DNASE1: variants seen among roughly 807,000 people sequenced by gnomAD.
The protein encoded by DNASE1 is deoxyribonuclease 1.
Under a neutral mutation model 33.9 loss-of-function variants are expected in DNASE1, and 40 were observed. The ratio of observed to expected loss-of-function variants is 1.18; its 90% CI spans 0.92 to 1.54. The LOEUF is 1.54. Among genes scored for constraint, DNASE1 ranks in the 40% most tolerant of loss-of-function variants. DNASE1 has a pLI of 0.00. For synonymous variants in DNASE1, 216 were observed against 160.0 expected (o/e 1.35, Z -2.64); for missense variants, 518 against 372.6 (o/e 1.39, Z -3.21).
chr16:3,627,398 C>T (rs980586246), intron 1 of DNASE1, among the ~76,000 whole-genome samples: 1 of 151,808 alleles, frequency 6.6e-6, no homozygotes, highest in Non-Finnish European at 1.5e-5. Flanking sequence ...CTAAGCCTCC[C>T]GAGTATGGGA....
chr16:3,656,055 G>C lies in DNASE1; in HGVS notation c.237-47G>C, dbSNP rs750452830. On this transcript the variant is annotated intron_variant, in intron 3 of 8. Coordinates refer to ENST00000246949, the MANE Select transcript of DNASE1 (RefSeq NM_005223.4). ...AGCCTCGCTATCGGCAGCCAGAGGGGTCCCCTATGGCCCCCGCCACTGGGA... is the reference window on the plus strand; with the variant it reads ...AGCCTCGCTATCGGCAGCCAGAGGGCTCCCCTATGGCCCCCGCCACTGGGA... The C allele has an allele frequency of 4.5e-5, 73 of 1,612,058 alleles. 1 individual carries two copies. The highest frequency in any genetic ancestry group is 5.9e-5 in the Non-Finnish European group (70 of 1,179,092).
chr16:3,652,601 C>A (rs1654468010), upstream of DNASE1: 1 of 152,236 alleles, frequency 6.6e-6, no homozygotes, highest in Non-Finnish European at 1.5e-5. Context: ...GTGTTTCCAT[C>A]TGGTAGACGC....
upstream of DNASE1, chr16:3,654,476 G>A (rs1214413512): frequency 5.0e-6 from 2 of 398,690 alleles, no homozygotes; most frequent in Non-Finnish European, 4.4e-6. Context: ...TGCAACTTTG[G>A]ATGTGGCTTT....
At chr16:3,650,315 G>C (rs1236399592), upstream of DNASE1, among the ~76,000 whole-genome samples, 1 of 152,048 alleles carries the variant, frequency 6.6e-6, no homozygotes, top group East Asian at 1.9e-4. Flanking sequence ...TTCCACTCAA[G>C]TATCAATTTC....
upstream of DNASE1, among the ~76,000 whole-genome samples, chr16:3,638,462 C>G (rs986406549): frequency 6.6e-6 from 1 of 152,126 alleles, no homozygotes; most frequent in Non-Finnish European, 1.5e-5. Context: ...CTCAGCCTCC[C>G]GAGTAGCTGG....
At chr16:3,638,462 C>T (rs986406549), upstream of DNASE1, among the ~76,000 whole-genome samples, 5 of 152,126 alleles carry the variant, frequency 3.3e-5, no homozygotes, top group Admixed American at 3.3e-4. Flanking sequence ...CTCAGCCTCC[C>T]GAGTAGCTGG....
At chr16:3,619,151 C>T (rs1304953414) in intron 1 of DNASE1, among the ~76,000 whole-genome samples, 1 of 152,058 alleles carries the variant, frequency 6.6e-6, no homozygotes, top group African/African-American at 2.4e-5. Flanking sequence ...CCTCCTGCCT[C>T]AGCCTCCCTA....
intron 1 of DNASE1, among the ~76,000 whole-genome samples, chr16:3,613,470 A>G (rs1221560095): frequency 6.6e-6 from 1 of 152,184 alleles, no homozygotes; most frequent in Non-Finnish European, 1.5e-5. Flanking sequence ...TAGGAGTGGA[A>G]TTACTGGGTA....
intron 1 of DNASE1, among the ~76,000 whole-genome samples, chr16:3,612,395 C>T (rs551374483): frequency 2.0e-5 from 3 of 151,988 alleles, no homozygotes; most frequent in Non-Finnish European, 4.4e-5. Context: ...GGATTACAGG[C>T]GCCAGTCACC....
downstream of DNASE1, chr16:3,659,168 AAG>A (rs1307845205): frequency 6.7e-6 from 2 of 297,122 alleles, no homozygotes; most frequent in Non-Finnish European, 1.3e-5. Flanking sequence ...TAAATAATAA[AAG>A]AGAAGGGAGT....
upstream of DNASE1, among the ~76,000 whole-genome samples, chr16:3,641,748 G>A (rs2042029023): frequency 1.3e-5 from 2 of 152,150 alleles, no homozygotes; most frequent in South Asian, 4.1e-4. Context: ...GGAGCTTGGG[G>A]CCCATGGCCT....
In DNASE1 at chr16:3,636,876, C is replaced by T. The variant is rs930313944; in HGVS notation, c.-1358-3839C>T. On this transcript the variant is annotated intron_variant and NMD_transcript_variant, in intron 1 of 11. Transcript: ENST00000570769. ...CAGTGGCTCATGCCTGTAATCCCAGCACTTCGGGAGGCCAACGCAGGCTGA... is the reference window on the plus strand; with the variant it reads ...CAGTGGCTCATGCCTGTAATCCCAGTACTTCGGGAGGCCAACGCAGGCTGA... Among the ~76,000 whole-genome samples, 5 of 152,240 alleles carry T rather than the reference C, an allele frequency of 3.3e-5. 1 individual carries two copies. Among genetic ancestry groups the T allele is most frequent in the Admixed American group, 6.5e-5 (1 of 15,290 alleles).
At chr16:3,613,112 C>T (rs547124768) in intron 1 of DNASE1, among the ~76,000 whole-genome samples, 1 of 152,218 alleles carries the variant, frequency 6.6e-6, no homozygotes, top group African/African-American at 2.4e-5. Flanking sequence ...TCGAACCTGC[C>T]GTACCCATTC....
intron 1 of DNASE1, among the ~76,000 whole-genome samples, chr16:3,613,128 C>CA (rs1201793983): frequency 6.6e-6 from 1 of 152,116 alleles, no homozygotes; most frequent in East Asian, 1.9e-4. Context: ...CATTCGTAGT[C>CA]ACTCCGCAAT....
downstream of DNASE1, chr16:3,662,182 G>A: frequency 6.3e-7 from 1 of 1,576,322 alleles, no homozygotes; most frequent in Non-Finnish European, 8.6e-7. Context: ...CAATGTGAGA[G>A]GGCTGGCAGG....
upstream of DNASE1, chr16:3,640,716 G>T: frequency 2.5e-6 from 1 of 398,536 alleles, no homozygotes; most frequent in South Asian, 1.3e-4. Flanking sequence ...TTCTTTTAGT[G>T]ACCACAATAT....
exon 10 of DNASE1, chr16:3,664,424 C>G (rs543998778): frequency 1.9e-6 from 3 of 1,612,332 alleles, no homozygotes; most frequent in Admixed American, 3.4e-5. Context: ...AGGGCAGCGC[C>G]GAGGACTCGT....
exon 10 of DNASE1, chr16:3,664,346 G>C (rs2050774443): frequency 1.2e-6 from 2 of 1,613,146 alleles, no homozygotes; most frequent in Non-Finnish European, 1.7e-6. Flanking sequence ...GGGCGCACAG[G>C]TAGTAGATGT....
intron 4 of DNASE1, 62 bp downstream of exon 4, chr16:3,656,247 G>A (rs2042607999): frequency 6.5e-7 from 1 of 1,537,182 alleles, no homozygotes; most frequent in Non-Finnish European, 9.0e-7. Context: ...ACAGAGCAGG[G>A]AAGTAGTTTG....
Sources: gnomAD v4.1 joint callset for allele counts (sites outside exome capture counted in the v4.1 genomes callset) on GRCh38, gnomAD v4.1.1 for gene constraint, MANE v1.5 for transcripts, NCBI Gene and HGNC (gene_info 2026-07-23, HGNC 2026-07-21) for gene names.